Variants in VSTM1 observed in about 807,000 individuals in gnomAD.
VSTM1 encodes V-set and transmembrane domain containing 1, also known as V-set and transmembrane domain-containing protein 1.
A neutral mutation model predicts 33.1 loss-of-function variants in VSTM1; 27 were observed. The ratio of observed to expected loss-of-function variants is 0.82; its 90% confidence interval spans 0.60 to 1.12. The LOEUF (loss-of-function observed/expected upper bound fraction) is 1.12. VSTM1 is among the 50% of genes most tolerant of loss of function. The pLI is 0.00. For synonymous variants in VSTM1, 115 were observed against 110.3 expected (o/e 1.04, Z -0.27); for missense variants, 304 against 288.9 (o/e 1.05, Z -0.38).
intron 1 of VSTM1, among the ~76,000 whole-genome samples, chr19:54,063,357 C>A (rs763072686): frequency 6.6e-6 from 1 of 151,904 alleles, no homozygotes; most frequent in African/African-American, 2.4e-5. Flanking sequence ...TGCATACATA[C>A]ATAAATAAAT....
intron 4 of VSTM1, among the ~76,000 whole-genome samples, chr19:54,042,806 GTATATATATA>G (rs1203522841): frequency 6.0e-4 from 35 of 57,952 alleles, no homozygotes; most frequent in African/African-American, 1.8e-3. Context: ...ATATAAATGT[GTATATATATA>G]TATATATATA....
chr19:54,048,285 T>C, intron 4 of VSTM1: 1 of 302,458 alleles, frequency 3.3e-6, no homozygotes, highest in Non-Finnish European at 6.8e-6. Flanking sequence ...CTGGCTAATT[T>C]TTGTATTTTT....
intron 4 of VSTM1, among the ~76,000 whole-genome samples, chr19:54,046,230 C>T (rs1043783846): frequency 6.6e-6 from 1 of 152,154 alleles, no homozygotes. Context: ...TATCCCCCTC[C>T]CTGAAATAAG....
chr19:54,051,581 C>T (rs1384345528), intron 3 of VSTM1, 133 bp from the exon 4 acceptor site: 26 of 623,238 alleles, frequency 4.2e-5, no homozygotes, highest in South Asian at 4.8e-5. Context: ...TCTCCATTCC[C>T]TAGATGCTCC....
intron 3 of VSTM1, among the ~76,000 whole-genome samples, chr19:54,054,843 AGATGAATGGATG>A (rs1386226428): frequency 2.5e-5 from 2 of 81,194 alleles, no homozygotes; most frequent in African/African-American, 7.4e-5. Flanking sequence ...ATTAATGGAT[AGATGAATGGATG>A]GATGGATGGA....
rs760440938 is a variant in VSTM1, at chr19:54,058,601, T to C, written c.71-11A>G. Reference sequence around the variant, plus strand: ...GCTTGGGCGGTTTCTCTGGAAACAATTCAGAGTTAATTTGAGTCTAGAATT... The same window carrying C: ...GCTTGGGCGGTTTCTCTGGAAACAACTCAGAGTTAATTTGAGTCTAGAATT... On this transcript the variant is annotated splice_polypyrimidine_tract_variant and intron_variant, in intron 2 of 8. Coordinates refer to ENST00000338372, the MANE Select transcript of VSTM1 (RefSeq NM_198481.4). The C allele has an allele frequency of 1.2e-6, 2 of 1,613,028 alleles. No homozygotes were observed. The highest frequency in any genetic ancestry group is 4.5e-5 in the East Asian group (2 of 44,834).
At chr19:54,042,797 TATAA>T (rs1192003645) in intron 4 of VSTM1, among the ~76,000 whole-genome samples, 8 of 114,430 alleles carry the variant, frequency 7.0e-5, no homozygotes, top group African/African-American at 2.6e-4. Flanking sequence ...TGTGTGTATA[TATAA>T]ATGTGTATAT....
chr19:54,058,817 T>C (rs1188080436), intron 1 of VSTM1, 85 bp from the exon 2 acceptor site: 3 of 990,008 alleles, frequency 3.0e-6, no homozygotes, highest in East Asian at 2.4e-5. Context: ...TAGCTCTTTA[T>C]AGGTCTGAGA....
intron 4 of VSTM1, among the ~76,000 whole-genome samples, chr19:54,043,096 G>A (rs1408050212): frequency 6.6e-6 from 1 of 151,836 alleles, no homozygotes; most frequent in Admixed American, 6.6e-5. Flanking sequence ...TCCAAGCCTG[G>A]ATCTCCCACC....
chr19:54,048,983 T>C (rs2070724068), intron 4 of VSTM1, among the ~76,000 whole-genome samples: 2 of 151,936 alleles, frequency 1.3e-5, no homozygotes. Context: ...ACTCAGGAGG[T>C]TAAGGCAAAA....
chr19:54,052,271 C>A (rs62147263), intron 3 of VSTM1, among the ~76,000 whole-genome samples: 22,172 of 147,328 alleles, frequency 0.15, 2,502 homozygotes, highest in East Asian at 0.3. Flanking sequence ...GGTGGCGGGC[C>A]CCTGTAGTCC....
intron 1 of VSTM1, among the ~76,000 whole-genome samples, chr19:54,062,287 T>G (rs2071430203): frequency 6.6e-6 from 1 of 152,206 alleles, no homozygotes; most frequent in Non-Finnish European, 1.5e-5. Context: ...CTCCCCAACT[T>G]AAAGCAATTC....
intron 1 of VSTM1, among the ~76,000 whole-genome samples, chr19:54,059,411 C>G (rs1385470858): frequency 2.6e-5 from 4 of 152,002 alleles, no homozygotes; most frequent in East Asian, 3.9e-4. Flanking sequence ...ATCCTTTCAC[C>G]ATCTAGAAAT....
chr19:54,051,922 T>C (rs948276939), intron 3 of VSTM1, among the ~76,000 whole-genome samples: 1 of 151,444 alleles, frequency 6.6e-6, no homozygotes, highest in East Asian at 2.0e-4. Context: ...CACCACACCC[T>C]GCTAATTTTT....
intron 4 of VSTM1, among the ~76,000 whole-genome samples, chr19:54,044,039 T>C (rs4806695): frequency 0.61 from 92,746 of 151,712 alleles, 28,421 homozygotes; most frequent in Middle Eastern, 0.72. Flanking sequence ...GCCTCCAGGG[T>C]AGCTGGGAGT....
At position 54,041,013 on chromosome 19, in the gene VSTM1, T is replaced by C; in HGVS notation, c.659A>G (p.Asp220Gly). The stretch of plus-strand genomic sequence containing the variant: ...AGATCCTGGGGGCTCCTGGGTGGTG[T>C]CTGAAGCTGCCTCAGACAGGGCGCT... ...STSALSEAAS[D>G]TTQEPPGSHE... is the part of the protein sequence containing the mutation. Residue 220 changes from aspartate (D) to glycine (G), a missense_variant, in exon 9 of 9, where the codon GAC becomes GGC. Asp to Gly is a moderately conservative substitution (Grantham distance 94, BLOSUM62 -1). Transcript: ENST00000338372. 6.2e-7 allele frequency: 1 copy of C among 1,610,018 alleles called. No individual in the cohort carries two copies. Among genetic ancestry groups the C allele is most frequent in the South Asian group, 1.1e-5 (1 of 90,736 alleles).
intron 4 of VSTM1, among the ~76,000 whole-genome samples, chr19:54,049,880 AAAGG>A (rs1336311657): frequency 2.6e-5 from 4 of 152,124 alleles, no homozygotes; most frequent in Non-Finnish European, 5.9e-5. Context: ...TGACTTGCTG[AAAGG>A]AAGGATGATT....
intron 1 of VSTM1, among the ~76,000 whole-genome samples, chr19:54,063,388 A>G (rs934415095): frequency 2.0e-5 from 3 of 152,112 alleles, no homozygotes; most frequent in Non-Finnish European, 4.4e-5. Context: ...GAGAGAGAAG[A>G]AAATTGTCTT....
chr19:54,051,420 T>C lies in VSTM1; in HGVS notation c.384A>G (p.Ser128=), dbSNP rs566804822. Residue 128 remains serine (S), a synonymous_variant, in exon 4 of 9, where the codon TCA becomes TCG. Coordinates refer to ENST00000338372, the MANE Select transcript of VSTM1 (RefSeq NM_198481.4). ...TDKHDELEAP[S]MKTDTRTIFV... ...TTCTAATTATCTTACCTGTTTTCAT[T>C]GAGGGAGCTTCAAGTTCATCGTGTT... 18 of 1,597,036 alleles carry C rather than the reference T, an allele frequency of 1.1e-5. No homozygotes were observed. Among genetic ancestry groups the C allele is most frequent in the Non-Finnish European group, 1.5e-5 (18 of 1,175,114 alleles).
Sources: gnomAD v4.1 joint callset for allele counts (sites outside exome capture counted in the v4.1 genomes callset) on GRCh38, gnomAD v4.1.1 for gene constraint, MANE v1.5 for transcripts, NCBI Gene and HGNC (gene_info 2026-07-23, HGNC 2026-07-21) for gene names.